TRHDE: variants seen among roughly 807,000 people sequenced by gnomAD.
TRHDE encodes the protein thyrotropin releasing hormone degrading enzyme.
Under a neutral mutation model 125.7 loss-of-function variants are expected in TRHDE, and 72 were observed. The observed-to-expected ratio is 0.57, with a 90% CI of 0.47 to 0.70. The LOEUF (loss-of-function observed/expected upper bound fraction) is 0.70, where lower values mean the gene tolerates loss of function less well. TRHDE is among the 30% of genes least tolerant of loss of function. TRHDE has a pLI of 0.00. For missense variants in TRHDE, 1,110 were observed against 1,327.1 expected, an observed-to-expected ratio of 0.84 and a Z score of 2.54; for synonymous variants, 509 against 509.1, an observed-to-expected ratio of 1.00 and a Z score of 0.00.
intron 2 of TRHDE, among the ~76,000 whole-genome samples, chr12:72,192,142 A>G (rs1366878364): frequency 6.6e-6 from 1 of 152,106 alleles, no homozygotes; most frequent in Non-Finnish European, 1.5e-5. Context: ...TAGTGATTTT[A>G]TGTAATATTA....
At chr12:72,475,589 T>A (rs1032668983) in intron 5 of TRHDE, among the ~76,000 whole-genome samples, 14 of 152,170 alleles carry the variant, frequency 9.2e-5, no homozygotes, top group Non-Finnish European at 1.5e-4. Context: ...ATCAGTTACA[T>A]TGTAAATATA....
At chr12:72,269,548 AAAG>A (rs1483366438), upstream of TRHDE, among the ~76,000 whole-genome samples, 2 of 152,322 alleles carry the variant, frequency 1.3e-5, no homozygotes, top group South Asian at 2.1e-4. Context: ...AGTGAAATAC[AAAG>A]AAGAACAGAT....
At chr12:72,525,462 A>C (rs915003362) in intron 6 of TRHDE, among the ~76,000 whole-genome samples, 3 of 152,106 alleles carry the variant, frequency 2.0e-5, no homozygotes, top group African/African-American at 7.2e-5. Flanking sequence ...TCTAATTAAA[A>C]ATCAAATTAA....
At chr12:72,429,007 T>A (rs557330090) in intron 3 of TRHDE, among the ~76,000 whole-genome samples, 1 of 152,200 alleles carries the variant, frequency 6.6e-6, no homozygotes, top group South Asian at 2.1e-4. Flanking sequence ...TGGAATACTA[T>A]GCAGCCATAA....
intron 6 of TRHDE, among the ~76,000 whole-genome samples, chr12:72,505,918 T>C (rs1030106439): frequency 2.6e-5 from 4 of 152,184 alleles, no homozygotes; most frequent in Non-Finnish European, 4.4e-5. Flanking sequence ...AGTCAGATGA[T>C]GATTAATGCA....
At chr12:72,499,398 G>A (rs1878051762) in intron 5 of TRHDE, 100 bp from the exon 6 acceptor site, 3 of 1,429,992 alleles carry the variant, frequency 2.1e-6, no homozygotes, top group Non-Finnish European at 2.8e-6. Flanking sequence ...GAAGACTGAT[G>A]AACATCAGCA....
intron 3 of TRHDE, among the ~76,000 whole-genome samples, chr12:72,380,509 C>A (rs1364900155): frequency 6.6e-6 from 1 of 152,066 alleles, no homozygotes; most frequent in Non-Finnish European, 1.5e-5. Context: ...CAGCAGATAT[C>A]ATGGGGCAAA....
intron 2 of TRHDE, among the ~76,000 whole-genome samples, chr12:72,107,427 C>G (rs552872524): frequency 6.6e-6 from 1 of 152,052 alleles, no homozygotes; most frequent in Non-Finnish European, 1.5e-5. Context: ...TAAATATATG[C>G]TAAAATATTT....
chr12:72,321,893 C>T (rs575654474), intron 2 of TRHDE, among the ~76,000 whole-genome samples: 2 of 151,660 alleles, frequency 1.3e-5, no homozygotes, highest in Admixed American at 6.6e-5. Context: ...ACACACACAC[C>T]CCCTAAGAGT....
intron 9 of TRHDE, 58 bp from the exon 10 acceptor site, chr12:72,568,510 T>G (rs1870564905): frequency 4.6e-6 from 6 of 1,291,186 alleles, no homozygotes; most frequent in Non-Finnish European, 6.6e-6. Context: ...GGAAATGTTT[T>G]TTGTTTTTGT....
chr12:72,469,550 T>C (rs532237544), intron 3 of TRHDE, among the ~76,000 whole-genome samples: 4 of 152,310 alleles, frequency 2.6e-5, no homozygotes, highest in African/African-American at 9.6e-5. Flanking sequence ...GAAAATGAAC[T>C]GTGATGAATG....
rs191590392 is a variant in TRHDE, at chr12:72,620,977, A to T, written c.2470-131A>T. 5.3e-5 allele frequency: 27 copies of T among 505,454 alleles called. No individual in the cohort carries two copies. The Admixed American group carries it at 9.2e-4, about 17-fold the overall frequency. 31.3% of individuals were successfully genotyped at this position (505,454 alleles called of 1,614,324 possible). A position where few individuals can be genotyped will look rare whatever the true frequency, so the allele number is the denominator to read the frequency against. On this transcript the variant is annotated intron_variant, in intron 13 of 18. Transcript: ENST00000261180. ...TAAAATTATAATAGAACATTACTGT[A>T]CTTATAATTTTATGGATATTTGAAA...
chr12:72,243,515 A>G (rs1272573192), intron 2 of TRHDE, among the ~76,000 whole-genome samples: 1 of 152,218 alleles, frequency 6.6e-6, no homozygotes, highest in Non-Finnish European at 1.5e-5. Flanking sequence ...AATAATTTTT[A>G]TATTTATTAC....
chr12:72,197,393 C>G (rs1189440674), intron 2 of TRHDE, among the ~76,000 whole-genome samples: 2 of 152,092 alleles, frequency 1.3e-5, no homozygotes, highest in African/African-American at 4.8e-5. Flanking sequence ...ATAGCTGACT[C>G]CTTCACTAGA....
At chr12:72,265,585 A>G (rs534514508) in intron 2 of TRHDE, among the ~76,000 whole-genome samples, 27 of 151,970 alleles carry the variant, frequency 1.8e-4, no homozygotes, top group Non-Finnish European at 2.8e-4. Context: ...GTTCACGATT[A>G]AGAAAATATA....
chr12:72,424,806 T>C (rs1874114593), intron 3 of TRHDE, among the ~76,000 whole-genome samples: 1 of 152,198 alleles, frequency 6.6e-6, no homozygotes, highest in African/African-American at 2.4e-5. Context: ...TTTGTATCTC[T>C]TTGAGAAACT....
chr12:72,215,529 A>G (rs557005559), intron 2 of TRHDE, among the ~76,000 whole-genome samples: 32 of 152,296 alleles, frequency 2.1e-4, no homozygotes, highest in South Asian at 1.0e-3. Context: ...TTCTTAATTC[A>G]TTATACACTT....
At chr12:72,382,261 C>T (rs148461889) in intron 3 of TRHDE, among the ~76,000 whole-genome samples, 77 of 151,866 alleles carry the variant, frequency 5.1e-4, no homozygotes, top group African/African-American at 1.5e-3. Flanking sequence ...TGAAGGTCAC[C>T]GGTGACCTTG....
intron 12 of TRHDE, among the ~76,000 whole-genome samples, chr12:72,597,689 A>G (rs1872005129): frequency 9.1e-6 from 1 of 109,796 alleles, no homozygotes; most frequent in African/African-American, 4.3e-5. Context: ...AAACTAAGAG[A>G]GGTATATATA....
Sources: allele counts gnomAD v4.1 joint callset (sites outside exome capture counted in the v4.1 genomes callset), GRCh38; gene constraint gnomAD v4.1.1; transcripts MANE v1.5; gene names NCBI Gene and HGNC (gene_info 2026-07-23, HGNC 2026-07-21).